GABRG2: variants seen among roughly 807,000 people sequenced by gnomAD.
GABRG2 encodes the protein gamma-aminobutyric acid type A receptor subunit gamma2, also known as gamma-aminobutyric acid receptor subunit gamma-2.
Under a neutral mutation model 56.4 loss-of-function variants are expected in GABRG2, and 16 were observed. The observed-to-expected ratio is 0.28, with a 90% CI of 0.19 to 0.43. The LOEUF (loss-of-function observed/expected upper bound fraction) is 0.43, where lower values mean the gene tolerates loss of function less well. Ranked by LOEUF, GABRG2 falls within the 20% of genes least tolerant of loss-of-function variation. The pLI is 1.00. For synonymous variants in GABRG2, 208 were observed against 205.5 expected, an observed-to-expected ratio of 1.01 and a Z score of -0.10; for missense variants, 327 against 582.7, an observed-to-expected ratio of 0.56 and a Z score of 4.52.
intron 1 of GABRG2, among the ~76,000 whole-genome samples, chr5:162,089,854 G>A (rs1191727362): frequency 6.6e-6 from 1 of 152,026 alleles, no homozygotes; most frequent in Non-Finnish European, 1.5e-5. Flanking sequence ...TAAACTTAGA[G>A]CTTTATTAAA....
chr5:162,105,110 G>A (rs1761702872), intron 6 of GABRG2, among the ~76,000 whole-genome samples: 1 of 152,086 alleles, frequency 6.6e-6, no homozygotes, highest in Non-Finnish European at 1.5e-5. Context: ...TTATTTTCTA[G>A]AATTCATAGG....
intron 3 of GABRG2, among the ~76,000 whole-genome samples, chr5:162,096,126 A>G (rs1434223515): frequency 6.6e-6 from 1 of 151,958 alleles, no homozygotes; most frequent in African/African-American, 2.4e-5. Flanking sequence ...TAGTAAAACT[A>G]TAAGTTTAAA....
intron 8 of GABRG2, 103 bp downstream of exon 8, chr5:162,149,416 A>T: frequency 9.2e-7 from 1 of 1,086,026 alleles, no homozygotes; most frequent in South Asian, 1.3e-5. Flanking sequence ...TTTGGGCTCC[A>T]AGATGAAAAC....
At chr5:162,137,819 A>G (rs1264319906) in intron 6 of GABRG2, among the ~76,000 whole-genome samples, 4 of 151,852 alleles carry the variant, frequency 2.6e-5, no homozygotes, top group African/African-American at 9.7e-5. Flanking sequence ...CCACCCACCC[A>G]CTGCAACCTG....
At chr5:162,109,389 A>AATATATATATATATATATATATATAT (rs535370579) in intron 6 of GABRG2, among the ~76,000 whole-genome samples, 3 of 116,234 alleles carry the variant, frequency 2.6e-5, no homozygotes, top group Admixed American at 8.4e-5. Flanking sequence ...CTTAAAGTAT[A>AATATATATATATATATATATATATAT]ATATATATAT....
chr5:162,086,643 G>T (rs994440946), intron 1 of GABRG2, among the ~76,000 whole-genome samples: 3 of 151,832 alleles, frequency 2.0e-5, no homozygotes, highest in African/African-American at 7.3e-5. Flanking sequence ...CTAACTTTGA[G>T]CACTACAGAT....
In GABRG2 at chr5:162,145,985, A is replaced by G. The variant is rs539351865; in HGVS notation, c.923-3123A>G. ...TCTAAAATAAAAACTATCAATACCT[A>G]ATATTTATTAGGATTTTACAAGGTA... On this transcript the variant is annotated intron_variant, in intron 7 of 9. Transcript: ENST00000639213. Among the ~76,000 whole-genome samples the G allele has an allele frequency of 8.5e-4, 130 of 152,266 alleles. 2 individuals carry two copies. The highest frequency in any genetic ancestry group is 2.9e-3 in the African/African-American group (120 of 41,548).
intron 6 of GABRG2, among the ~76,000 whole-genome samples, chr5:162,129,588 T>C (rs1030862600): frequency 6.6e-5 from 10 of 151,944 alleles, no homozygotes; most frequent in African/African-American, 2.2e-4. Flanking sequence ...TCAACAAATC[T>C]ATGAGATACA....
intron 6 of GABRG2, among the ~76,000 whole-genome samples, chr5:162,138,615 A>G (rs1227278995): frequency 6.6e-6 from 1 of 152,216 alleles, no homozygotes; most frequent in Non-Finnish European, 1.5e-5. Flanking sequence ...GAATGTAAAG[A>G]AGAGTACAAC....
Position 162,153,113 on chromosome 5 carries a change from C to G in GABRG2, c.1173C>G (p.Arg391=), listed in dbSNP as rs761755629. Residue 391 remains arginine (R), a synonymous_variant, in exon 10 of 10, where the codon CGC becomes CGG. Transcript: ENST00000639213. The part of the protein sequence containing the change: ...FSFKAPTIDI[R]PRSATIQMNN... Reference sequence around the variant, plus strand: ...CCCAGGCCCCTACCATTGATATCCGCCCAAGATCAGCAACCATTCAAATGA... The same window carrying G: ...CCCAGGCCCCTACCATTGATATCCGGCCAAGATCAGCAACCATTCAAATGA... 4 of 1,613,984 alleles carry G rather than the reference C, an allele frequency of 2.5e-6. No individual in the cohort carries two copies. Among genetic ancestry groups the G allele is most frequent in the Non-Finnish European group, 3.4e-6 (4 of 1,179,948 alleles).
chr5:162,103,636 A>C, intron 5 of GABRG2: 1 of 507,420 alleles, frequency 2.0e-6, no homozygotes, highest in South Asian at 2.1e-5. Flanking sequence ...AATCACATGT[A>C]GTATACCTTC....
intron 5 of GABRG2, chr5:162,101,942 A>T (rs137855517): frequency 4.8e-4 from 75 of 154,754 alleles, no homozygotes; most frequent in African/African-American, 1.8e-3. Context: ...TTCCCAAAAC[A>T]TTTTCCTTAC....
At chr5:162,074,913 T>A (rs1758969254) in intron 1 of GABRG2, among the ~76,000 whole-genome samples, 1 of 148,068 alleles carries the variant, frequency 6.8e-6, no homozygotes, top group Non-Finnish European at 1.5e-5. Context: ...GGCCTCTTAG[T>A]CTTTTTATGG....
intron 1 of GABRG2, among the ~76,000 whole-genome samples, chr5:162,077,507 G>A (rs1416282155): frequency 6.6e-6 from 1 of 152,078 alleles, no homozygotes; most frequent in African/African-American, 2.4e-5. Flanking sequence ...AAATGTCTAG[G>A]ATGTAGCATA....
Position 162,133,432 on chromosome 5 carries a change from T to C in GABRG2, c.770-8732T>C, listed in dbSNP as rs1018275497. Among the ~76,000 whole-genome samples, 3 of 152,154 alleles carry C rather than the reference T, an allele frequency of 2.0e-5. 1 individual carries two copies. The highest frequency in any genetic ancestry group is 2.0e-4 in the Admixed American group (3 of 15,250). Reference sequence around the variant, plus strand: ...TTAATCCTGGGACTAGATCTGCTACTGTGAATTGCCCTGCGTTTATGTAAA... The same window carrying C: ...TTAATCCTGGGACTAGATCTGCTACCGTGAATTGCCCTGCGTTTATGTAAA... On this transcript the variant is annotated intron_variant, in intron 6 of 9. Coordinates refer to ENST00000639213, the MANE Select transcript of GABRG2 (RefSeq NM_198904.4).
At chr5:162,081,810 G>A (rs1487107551) in intron 1 of GABRG2, among the ~76,000 whole-genome samples, 1 of 151,924 alleles carries the variant, frequency 6.6e-6, no homozygotes, top group Non-Finnish European at 1.5e-5. Flanking sequence ...TACATAGCTA[G>A]TATGAATGAA....
intron 1 of GABRG2, among the ~76,000 whole-genome samples, chr5:162,072,816 A>C (rs1758783700): frequency 6.8e-6 from 1 of 148,082 alleles, no homozygotes; most frequent in Non-Finnish European, 1.5e-5. Flanking sequence ...ACTTAAACAT[A>C]ATAGATTAGA....
At chr5:162,148,318 G>A (rs780446915) in intron 7 of GABRG2, among the ~76,000 whole-genome samples, 1 of 152,168 alleles carries the variant, frequency 6.6e-6, no homozygotes, top group East Asian at 1.9e-4. Flanking sequence ...TACCTGCTGT[G>A]AAGATTCAAA....
At chr5:162,073,421 A>T (rs546951803) in intron 1 of GABRG2, among the ~76,000 whole-genome samples, 13 of 152,066 alleles carry the variant, frequency 8.5e-5, no homozygotes, top group Non-Finnish European at 1.3e-4. Context: ...TAACTATAGC[A>T]TGTCATTCCA....
Sources: gnomAD v4.1 joint callset for allele counts (sites outside exome capture counted in the v4.1 genomes callset) on GRCh38, gnomAD v4.1.1 for gene constraint, MANE v1.5 for transcripts, NCBI Gene and HGNC (gene_info 2026-07-23, HGNC 2026-07-21) for gene names.